The following AP3M1 variants were observed in gnomAD, a reference collection of about 807,000 sequenced individuals.
AP3M1 encodes AP-3 complex subunit mu-1.
A neutral mutation model predicts 42.6 loss-of-function variants in AP3M1; 29 were observed. The observed-to-expected ratio is 0.68, with a 90% confidence interval of 0.51 to 0.93. AP3M1 has a LOEUF of 0.93. Ranked by LOEUF, AP3M1 falls within the 40% of genes least tolerant of loss-of-function variation. The pLI, the probability that AP3M1 is intolerant of heterozygous loss-of-function variation, is 0.00. For synonymous variants in AP3M1, 178 were observed against 175.3 expected (o/e 1.02, Z -0.12); for missense variants, 416 against 510.2 (o/e 0.82, Z 1.78).
chr10:74,139,723 C>T (rs1021098291), intron 1 of AP3M1, among the ~76,000 whole-genome samples: 2 of 151,858 alleles, frequency 1.3e-5, no homozygotes, highest in African/African-American at 4.8e-5. Flanking sequence ...CGAGACCATC[C>T]TGGCTAAGAC....
intron 4 of AP3M1, among the ~76,000 whole-genome samples, chr10:74,133,119 G>C (rs142868443): frequency 0.017 from 2,562 of 152,226 alleles, 76 homozygotes; most frequent in African/African-American, 0.058. Context: ...CCAGGGCCGG[G>C]AGCGGTGGCT....
At chr10:74,124,180 G>C (rs1840549500) in intron 8 of AP3M1, among the ~76,000 whole-genome samples, 200 bp downstream of exon 8, 1 of 152,224 alleles carries the variant, frequency 6.6e-6, no homozygotes, top group African/African-American at 2.4e-5. Context: ...GGGCGGAGGT[G>C]AGGGGAAGCT....
chr10:74,127,460 A>G (rs933754307), intron 6 of AP3M1, among the ~76,000 whole-genome samples: 5 of 151,980 alleles, frequency 3.3e-5, no homozygotes, highest in African/African-American at 7.2e-5. Flanking sequence ...CCTGGCCAAC[A>G]TGGTGAAATC....
intron 1 of AP3M1, among the ~76,000 whole-genome samples, chr10:74,143,049 C>A (rs908659309): frequency 1.3e-5 from 2 of 152,182 alleles, no homozygotes; most frequent in African/African-American, 4.8e-5. Flanking sequence ...CTTTTGGCCC[C>A]ATTCAATGTG....
chr10:74,137,172 G>A (rs548148723), intron 2 of AP3M1, among the ~76,000 whole-genome samples: 19 of 152,246 alleles, frequency 1.2e-4, no homozygotes, highest in African/African-American at 2.6e-4. Flanking sequence ...CCCGGGAGGC[G>A]GAGGTTGCGG....
chr10:74,136,090 A>G (rs1166709832), intron 3 of AP3M1, among the ~76,000 whole-genome samples: 1 of 152,260 alleles, frequency 6.6e-6, no homozygotes. Flanking sequence ...ACACAAGTAC[A>G]GGCCCACAAT....
At chr10:74,130,784 T>C (rs1237871802) in intron 4 of AP3M1, among the ~76,000 whole-genome samples, 2 of 152,116 alleles carry the variant, frequency 1.3e-5, no homozygotes, top group Admixed American at 1.3e-4. Context: ...GTTTCCTTTA[T>C]GGAGCCAACC....
chr10:74,124,599 TATC>T, intron 7 of AP3M1, 75 bp from the exon 8 acceptor site: 5 of 1,281,604 alleles, frequency 3.9e-6, no homozygotes, highest in Non-Finnish European at 3.2e-6. Flanking sequence ...AGTTCAAAGA[TATC>T]ATAAACTTCT....
chr10:74,124,519 T>G lies in AP3M1; in HGVS notation c.1017A>C (p.Leu339=). The part of the protein sequence containing the change: ...SYTFDPVTKV[L]TWDVGKITPQ... ...GAGTAATTTTTCCCACATCCCATGTTAGTACCTTAAAAAGACAAAAAATGA... is the reference window on the plus strand; with the variant it reads ...GAGTAATTTTTCCCACATCCCATGTGAGTACCTTAAAAAGACAAAAAATGA... The change falls in exon 8 of 9, where the codon CTA becomes CTC. Residue 339 remains leucine, a synonymous_variant. Transcript: ENST00000355264. 6.3e-7 allele frequency: 1 copy of G among 1,587,538 alleles called. No homozygotes were observed. The highest frequency in any genetic ancestry group is 8.5e-7 in the Non-Finnish European group (1 of 1,172,354).
In AP3M1 at chr10:74,129,892, G is replaced by C; in HGVS notation, c.669+15C>G. The C allele has an allele frequency of 6.3e-7, 1 of 1,582,336 alleles. No individual in the cohort carries two copies. Among genetic ancestry groups the C allele is most frequent in the Non-Finnish European group, 8.7e-7 (1 of 1,151,624 alleles). On this transcript the variant is annotated intron_variant, in intron 5 of 8. Coordinates refer to ENST00000355264, the MANE Select transcript of AP3M1 (RefSeq NM_012095.6). ...AGGCATTCAAGGGGCTATAAAACAG[G>C]AGAATAAAACTTACCATGAAAGAAA...
At chr10:74,149,774 G>GC (rs1053173787) in intron 1 of AP3M1, among the ~76,000 whole-genome samples, 13 of 151,894 alleles carry the variant, frequency 8.6e-5, no homozygotes, top group Non-Finnish European at 1.5e-4. Flanking sequence ...CTTGCTTCCT[G>GC]CCCCCAAATA....
rs1438510764 is a variant in AP3M1 at position 74,123,625 on chromosome 10, AG to A, written c.*184del. 5.1e-6 allele frequency: 3 copies of A among 583,866 alleles called. No homozygotes were observed. The highest frequency in any genetic ancestry group is 9.2e-6 in the Non-Finnish European group (3 of 327,706). The allele number at this position is 583,866 out of a possible 1,614,324, so 36.2% of individuals were successfully genotyped here. A position where few individuals can be genotyped will look rare whatever the true frequency, so the allele number is the denominator to read the frequency against. On this transcript the variant is annotated 3_prime_UTR_variant, in exon 9 of 9. Coordinates refer to ENST00000355264, the MANE Select transcript of AP3M1 (RefSeq NM_012095.6). ...ATACAAAATAAGCTAAGTCACTAAAAGGTTTCCTTAGCTTAAAGCTCCTTAA... is the reference window on the plus strand; with the variant it reads ...ATACAAAATAAGCTAAGTCACTAAAAGTTTCCTTAGCTTAAAGCTCCTTAA...
chr10:74,138,366 A>G lies in AP3M1; in HGVS notation c.14T>C (p.Leu5Pro). MIHS[L>P]FLINCSGDIF... Reference sequence around the variant, plus strand: ...GTCACCGGAACAGTTTATGAGAAATAGACTGTGGATCATTTTCTGTTGGGG... The same window carrying G: ...GTCACCGGAACAGTTTATGAGAAATGGACTGTGGATCATTTTCTGTTGGGG... Residue 5 changes from leucine to proline, a missense_variant, in exon 2 of 9, where the codon CTA becomes CCA. Physicochemically the swap from Leu to Pro is moderately conservative, Grantham distance 98 (BLOSUM62 -3). Transcript: ENST00000355264. The G allele has an allele frequency of 6.2e-7, 1 of 1,612,226 alleles. No homozygotes were observed. Among genetic ancestry groups the G allele is most frequent in the Non-Finnish European group, 8.5e-7 (1 of 1,178,730 alleles).
chr10:74,125,914 G>A (rs560833559), intron 7 of AP3M1, among the ~76,000 whole-genome samples: 2 of 152,294 alleles, frequency 1.3e-5, no homozygotes, highest in South Asian at 2.1e-4. Context: ...ATGGATGAGT[G>A]AAGGCACACT....
rs138203145 is a variant in AP3M1, at chr10:74,139,868, T to G, written c.-3-1486A>C. Among the ~76,000 whole-genome samples the G allele has an allele frequency of 4.2e-4, 61 of 143,986 alleles. No homozygotes were observed. The East Asian group carries it at 0.012, about 28-fold the overall frequency. The allele number at this position is 143,986 out of a possible 152,430, so 94.5% of individuals were successfully genotyped here. A position where few individuals can be genotyped will look rare whatever the true frequency, so the allele number is the denominator to read the frequency against. Reference sequence around the variant, plus strand: ...GTTGCAGTGAGCCGAGACTCAAGATTGCACCACTGTACTCCAGCCTGGGTG... The same window carrying G: ...GTTGCAGTGAGCCGAGACTCAAGATGGCACCACTGTACTCCAGCCTGGGTG... On this transcript the variant is annotated intron_variant, in intron 1 of 8. Transcript: ENST00000355264.
At position 74,145,536 on chromosome 10, in the gene AP3M1, C is replaced by T. The variant is rs531960743; in HGVS notation, c.-4+5219G>A. Among the ~76,000 whole-genome samples the T allele has an allele frequency of 3.3e-4, 50 of 152,256 alleles. No individual in the cohort carries two copies. In the South Asian group the frequency reaches 9.7e-3, roughly 30 times the overall value. Reference sequence around the variant, plus strand: ...AATACCATGTTGCAGTGTAAATTAGCCTGTTTCTTTATTTATCGTCCTTTT... The same window carrying T: ...AATACCATGTTGCAGTGTAAATTAGTCTGTTTCTTTATTTATCGTCCTTTT... On this transcript the variant is annotated intron_variant, in intron 1 of 8. Coordinates refer to ENST00000355264, the MANE Select transcript of AP3M1 (RefSeq NM_012095.6).
At chr10:74,142,655 T>C (rs780101837) in intron 1 of AP3M1, among the ~76,000 whole-genome samples, 2 of 152,164 alleles carry the variant, frequency 1.3e-5, no homozygotes, top group Non-Finnish European at 2.9e-5. Context: ...CTCTGACACC[T>C]CAGGGTTGGA....
At chr10:74,140,212 C>T (rs988941605) in intron 1 of AP3M1, among the ~76,000 whole-genome samples, 4 of 152,212 alleles carry the variant, frequency 2.6e-5, no homozygotes, top group Admixed American at 6.5e-5. Flanking sequence ...CCCGAGCCTG[C>T]GTTTCCTGAG....
At chr10:74,145,684 C>A (rs774018594) in intron 1 of AP3M1, among the ~76,000 whole-genome samples, 38 of 152,246 alleles carry the variant, frequency 2.5e-4, no homozygotes, top group Non-Finnish European at 4.9e-4. Context: ...CAGAATTCTC[C>A]CAGCTTATTT....
Sources: allele counts gnomAD v4.1 joint callset (sites outside exome capture counted in the v4.1 genomes callset), GRCh38; gene constraint gnomAD v4.1.1; transcripts MANE v1.5; gene names NCBI Gene and HGNC (gene_info 2026-07-23, HGNC 2026-07-21).